The following ANKHD1 variants were observed in gnomAD, a reference collection of about 807,000 sequenced individuals.
ANKHD1 encodes ankyrin repeat and KH domain-containing protein 1.
In ANKHD1, 31 loss-of-function variants were observed where a neutral mutation model predicts 230.5. That is an observed-to-expected ratio of 0.13 (90% CI 0.10 to 0.18). The LOEUF (loss-of-function observed/expected upper bound fraction) is 0.18. ANKHD1 is among the 10% of genes least tolerant of loss of function. The pLI is 1.00. For missense variants in ANKHD1, 2,256 were observed against 3,071.3 expected, an observed-to-expected ratio of 0.73 and a Z score of 6.27; for synonymous variants, 1,074 against 1,117.6, an observed-to-expected ratio of 0.96 and a Z score of 0.78.
At chr5:140,516,892 A>C (rs1753038880) in intron 24 of ANKHD1, among the ~76,000 whole-genome samples, 1 of 152,138 alleles carries the variant, frequency 6.6e-6, no homozygotes, top group Non-Finnish European at 1.5e-5. Flanking sequence ...TAACGAGCAA[A>C]ATAAACAGCT....
At chr5:140,537,944 A>G (rs1754153496) in intron 31 of ANKHD1, 142 bp from the exon 32 acceptor site, 3 of 1,339,562 alleles carry the variant, frequency 2.2e-6, no homozygotes, top group Non-Finnish European at 2.9e-6. Flanking sequence ...TTTTTTGGCT[A>G]GCAAGACTGT....
At chr5:140,469,622 T>C (rs541539929) in intron 10 of ANKHD1, among the ~76,000 whole-genome samples, 4 of 152,146 alleles carry the variant, frequency 2.6e-5, no homozygotes, top group Non-Finnish European at 5.9e-5. Flanking sequence ...TCTGGAAGTA[T>C]GTGAAGACAC....
intron 1 of ANKHD1, among the ~76,000 whole-genome samples, chr5:140,430,758 A>G (rs779277311): frequency 2.0e-5 from 3 of 150,682 alleles, no homozygotes; most frequent in Non-Finnish European, 4.4e-5. Flanking sequence ...TCCTGGGCTC[A>G]GGCGATCCTC....
At position 140,491,095 on chromosome 5, in the gene ANKHD1, TATATATATATATACACAC is replaced by T. The variant is rs1380013619; in HGVS notation, c.2245+4037_2245+4054del. ...GTATGTATATATGTGTGTGTGTGTATATATATATATATACACACACACACATATATATATATATATACA... is the reference window on the plus strand; with the variant it reads ...GTATGTATATATGTGTGTGTGTGTATACACACATATATATATATATATACA... On this transcript the variant is annotated intron_variant, in intron 14 of 33. Transcript: ENST00000360839. 3.8e-4 allele frequency among the ~76,000 whole-genome samples: 9 copies of T among 23,930 alleles called. No individual in the cohort carries two copies. In the Admixed American group the frequency reaches 4.9e-3, roughly 13 times the overall value. 15.7% of individuals were successfully genotyped at this position (23,930 alleles called of 152,430 possible).
At chr5:140,455,925 TC>T (rs1312923630) in intron 7 of ANKHD1, among the ~76,000 whole-genome samples, 1 of 152,152 alleles carries the variant, frequency 6.6e-6, no homozygotes, top group African/African-American at 2.4e-5. Context: ...AGTCAAATTG[TC>T]CCTGTTTGCA....
intron 6 of ANKHD1, among the ~76,000 whole-genome samples, chr5:140,446,866 A>G (rs900362928): frequency 3.9e-5 from 6 of 152,030 alleles, no homozygotes; most frequent in African/African-American, 1.2e-4. Flanking sequence ...TATCATGGAC[A>G]TTTTTCATCT....
intron 10 of ANKHD1, chr5:140,472,149 A>ATCTGAAGTATCGGTCACAAGGTCT (rs1776536569): frequency 9.7e-7 from 1 of 1,029,150 alleles, no homozygotes. Flanking sequence ...AAAGCCCACC[A>ATCTGAAGTATCGGTCACAAGGTCT]TCTGAAGTAT....
At chr5:140,518,907 T>C (rs1753180894) in intron 24 of ANKHD1, among the ~76,000 whole-genome samples, 1 of 152,190 alleles carries the variant, frequency 6.6e-6, no homozygotes. Flanking sequence ...ACCACTCTTA[T>C]TCAACATAGT....
In ANKHD1 at chr5:140,477,842, C is replaced by T. The variant is rs534334707; in HGVS notation, c.1783-4738C>T. On this transcript the variant is annotated intron_variant, in intron 10 of 33. Transcript: ENST00000360839. Reference sequence around the variant, plus strand: ...GGGCAGGCTGGTCTTGAACTCGTGACCTTGTGATCCACCCGCCTCGGCCTC... The same window carrying T: ...GGGCAGGCTGGTCTTGAACTCGTGATCTTGTGATCCACCCGCCTCGGCCTC... Among the ~76,000 whole-genome samples, 69 of 152,184 alleles carry T rather than the reference C, an allele frequency of 4.5e-4. 1 individual carries two copies. The highest frequency in any genetic ancestry group is 6.8e-3 in the Middle Eastern group (2 of 294).
intron 1 of ANKHD1, among the ~76,000 whole-genome samples, chr5:140,419,708 T>C (rs1771716647): frequency 6.6e-6 from 1 of 151,676 alleles, no homozygotes; most frequent in Non-Finnish European, 1.5e-5. Flanking sequence ...GCTCAAGTGA[T>C]TCTCCTGCCT....
chr5:140,419,780 TTC>T (rs898367190), intron 1 of ANKHD1, among the ~76,000 whole-genome samples: 9 of 40,352 alleles, frequency 2.2e-4, no homozygotes, highest in African/African-American at 8.5e-4. Context: ...TTCTTTTTCT[TTC>T]TTTCTTTCTT....
chr5:140,448,363 C>T (rs1774451438), intron 6 of ANKHD1, among the ~76,000 whole-genome samples: 1 of 152,140 alleles, frequency 6.6e-6, no homozygotes, highest in Non-Finnish European at 1.5e-5. Context: ...GACATTTTTG[C>T]ATAACCTCTG....
intron 30 of ANKHD1, among the ~76,000 whole-genome samples, chr5:140,536,673 C>T (rs1310381190): frequency 6.6e-6 from 1 of 152,084 alleles, no homozygotes; most frequent in African/African-American, 2.4e-5. Context: ...AGAGGGTCAC[C>T]AGATGTTTTC....
At chr5:140,442,739 G>A (rs1773958303) in intron 5 of ANKHD1, among the ~76,000 whole-genome samples, 2 of 152,098 alleles carry the variant, frequency 1.3e-5, no homozygotes, top group South Asian at 4.1e-4. Context: ...TGAGAAGTAG[G>A]AAGAATAAAA....
chr5:140,402,365 G>C, intron 1 of ANKHD1, 92 bp downstream of exon 1: 2 of 1,373,864 alleles, frequency 1.5e-6, no homozygotes, highest in Non-Finnish European at 1.9e-6. Context: ...CCGCTTCCCT[G>C]GTGGAGCCCT....
intron 14 of ANKHD1, among the ~76,000 whole-genome samples, chr5:140,496,193 G>T (rs1752027572): frequency 6.6e-6 from 1 of 152,040 alleles, no homozygotes; most frequent in African/African-American, 2.4e-5. Context: ...GCAGAATTTT[G>T]AGATTCTTGC....
At chr5:140,525,867 A>T (rs1753586406) in intron 25 of ANKHD1, 129 bp from the exon 26 acceptor site, 1 of 1,065,824 alleles carries the variant, frequency 9.4e-7, no homozygotes, top group Non-Finnish European at 1.3e-6. Context: ...TTTATTTCTT[A>T]GTGAATACTG....
At chr5:140,435,853 C>T (rs1456375190) in intron 1 of ANKHD1, among the ~76,000 whole-genome samples, 1 of 152,116 alleles carries the variant, frequency 6.6e-6, no homozygotes, top group Non-Finnish European at 1.5e-5. Context: ...GCTTTTCATG[C>T]TCTGTATTAG....
intron 21 of ANKHD1, 52 bp from the exon 22 acceptor site, chr5:140,509,967 A>C (rs1752688347): frequency 6.4e-7 from 1 of 1,553,924 alleles, no homozygotes; most frequent in Admixed American, 2.2e-5. Context: ...AAAACTAGAA[A>C]AAGCCAGCCT....
Sources: allele counts gnomAD v4.1 joint callset (sites outside exome capture counted in the v4.1 genomes callset), GRCh38; gene constraint gnomAD v4.1.1; transcripts MANE v1.5; gene names NCBI Gene and HGNC (gene_info 2026-07-23, HGNC 2026-07-21).